RC3H1: variants seen among roughly 807,000 people sequenced by gnomAD.
RC3H1 encodes roquin-1.
In RC3H1, 50 loss-of-function variants were observed where a neutral mutation model predicts 138.2. The observed-to-expected ratio is 0.36, with a 90% CI of 0.29 to 0.46. RC3H1 has a LOEUF of 0.46. Ranked by LOEUF, RC3H1 falls within the 20% of genes least tolerant of loss-of-function variation. The probability of loss-of-function intolerance (pLI) is 1.00; values close to 1 mark genes in which losing one functional copy is unlikely to be tolerated. For synonymous variants in RC3H1, 462 were observed against 489.1 expected, an observed-to-expected ratio of 0.94 and a Z score of 0.73; for missense variants, 1,031 against 1,388.1, an observed-to-expected ratio of 0.74 and a Z score of 4.09.
intron 1 of RC3H1, among the ~76,000 whole-genome samples, chr1:173,994,063 G>T (rs1661402084): frequency 6.7e-6 from 1 of 149,438 alleles, no homozygotes; most frequent in Non-Finnish European, 1.5e-5. Context: ...GGGGAAGGGG[G>T]TAGAGGGAGG....
chr1:173,943,291 C>A, intron 18 of RC3H1, 151 bp downstream of exon 18: 1 of 613,036 alleles, frequency 1.6e-6, no homozygotes, highest in Non-Finnish European at 2.6e-6. Flanking sequence ...ATGATAAAAT[C>A]GGAAGGTAGC....
chr1:173,931,817 CTT>C lies in RC3H1; in HGVS notation c.*6902_*6903del, dbSNP rs2102807194. On this transcript the variant is annotated 3_prime_UTR_variant, in exon 20 of 20. Coordinates refer to ENST00000367696, the MANE Select transcript of RC3H1 (RefSeq NM_172071.4). ...CACCATTCCAACCTATTTGTCTTCACTTCTCTTTTTAAAGTTGGAAACACTTG... is the reference window on the plus strand; with the variant it reads ...CACCATTCCAACCTATTTGTCTTCACCTCTTTTTAAAGTTGGAAACACTTG... 1 of 152,210 alleles carries C rather than the reference CTT, an allele frequency of 6.6e-6. No individual in the cohort carries two copies. The highest frequency in any genetic ancestry group is 1.9e-4 in the East Asian group (1 of 5,188). The allele number at this position is 152,210 out of a possible 1,614,324, so 9.4% of individuals were successfully genotyped here. A position where few individuals can be genotyped will look rare whatever the true frequency, so the allele number is the denominator to read the frequency against.
At chr1:173,982,351 C>T (rs1660861320) in intron 5 of RC3H1, among the ~76,000 whole-genome samples, 1 of 152,070 alleles carries the variant, frequency 6.6e-6, no homozygotes, top group Non-Finnish European at 1.5e-5. Flanking sequence ...GCACTCCAGC[C>T]TGGGCGACAG....
chr1:173,963,739 C>T (rs1659976998), intron 11 of RC3H1, among the ~76,000 whole-genome samples: 1 of 152,118 alleles, frequency 6.6e-6, no homozygotes, highest in Non-Finnish European at 1.5e-5. Flanking sequence ...TATATGAACA[C>T]ATGTATTATG....
intron 13 of RC3H1, among the ~76,000 whole-genome samples, chr1:173,952,539 CCCT>C (rs956387073): frequency 6.6e-6 from 1 of 151,834 alleles, no homozygotes; most frequent in African/African-American, 2.4e-5. Context: ...TTTTGCTAGA[CCCT>C]CCTCAACGTT....
At position 173,947,523 on chromosome 1, in the gene RC3H1, T is replaced by A; in HGVS notation, c.2583A>T (p.Glu861Asp). The A allele has an allele frequency of 6.2e-7, 1 of 1,614,130 alleles. No individual in the cohort carries two copies. The highest frequency in any genetic ancestry group is 8.5e-7 in the Non-Finnish European group (1 of 1,180,014). Residue 861 changes from glutamate to aspartate, a missense_variant, in exon 15 of 20, where the codon GAA becomes GAT. This residue lies in a region of RC3H1 where 716 missense variants were observed against 837.9 expected (regional missense o/e 0.85). Transcript: ENST00000367696. The stretch of plus-strand genomic sequence containing the variant: ...ATGGGATGAGGTCATCATCACTGGT[T>A]TCTGCTGCTCTTCTCTGAAGATCTA... ...QRLDLQRRAA[E>D]TSDDDLIPFG...
chr1:173,955,523 G>C (rs1242753470), intron 13 of RC3H1, among the ~76,000 whole-genome samples: 2 of 151,508 alleles, frequency 1.3e-5, no homozygotes, highest in African/African-American at 4.9e-5. Context: ...GGGTTTCACT[G>C]TTAGCCAGGA....
At chr1:173,941,406 A>G (rs1184379780) in intron 18 of RC3H1, 26 bp from the exon 19 acceptor site, 1 of 1,428,680 alleles carries the variant, frequency 7.0e-7, no homozygotes, top group South Asian at 1.1e-5. Flanking sequence ...AAATAAAATC[A>G]GTTATCATCT....
In RC3H1 at chr1:173,961,909, C is replaced by T. The variant is rs767842465; in HGVS notation, c.2018G>A (p.Arg673His). Residue 673 changes from arginine to histidine, a missense_variant, in exon 12 of 20, where the codon CGT becomes CAT. Arg to His is a conservative substitution (Grantham distance 29, BLOSUM62 0). This residue lies in a region of RC3H1 where 716 missense variants were observed against 837.9 expected (regional missense o/e 0.85). Transcript: ENST00000367696. ...GTAAGACGGAGCAGGGTACACTCGA[C>T]GGCCATCATAGTGAGATGGGTATAT... ...PPIYPSHYDG[R>H]RVYPAPSYTR... 4.3e-6 allele frequency: 7 copies of T among 1,613,900 alleles called. No individual in the cohort carries two copies. Among genetic ancestry groups the T allele is most frequent in the East Asian group, 2.2e-5 (1 of 44,888 alleles).
chr1:173,941,563 GCTCAC>G, intron 18 of RC3H1, 183 bp from the exon 19 acceptor site: 3 of 490,130 alleles, frequency 6.1e-6, no homozygotes. Context: ...CAATCCACTT[GCTCAC>G]TAACCAAGCT....
intron 13 of RC3H1, among the ~76,000 whole-genome samples, chr1:173,959,820 T>G (rs190357679): frequency 1.3e-5 from 2 of 151,812 alleles, no homozygotes; most frequent in South Asian, 2.1e-4. Flanking sequence ...GACAACACTG[T>G]CTAGGCCCGG....
intron 1 of RC3H1, among the ~76,000 whole-genome samples, chr1:174,012,613 C>T (rs147060956): frequency 0.015 from 2,307 of 151,878 alleles, 170 homozygotes; most frequent in Admixed American, 0.13. Context: ...GAAACACTGT[C>T]TCTACTAAAA....
At chr1:173,977,072 G>A (rs924770562) in intron 7 of RC3H1, among the ~76,000 whole-genome samples, 13 of 151,946 alleles carry the variant, frequency 8.6e-5, no homozygotes, top group African/African-American at 2.4e-4. Flanking sequence ...ACAGGCGCCC[G>A]CCACCATGCC....
In RC3H1 at chr1:173,937,497, T is replaced by C. The variant is rs1658654902; in HGVS notation, c.*1224A>G. 1 of 151,500 alleles carries C rather than the reference T, an allele frequency of 6.6e-6. No individual in the cohort carries two copies. Among genetic ancestry groups the C allele is most frequent in the Non-Finnish European group, 1.5e-5 (1 of 67,890 alleles). 9.4% of individuals were successfully genotyped at this position (151,500 alleles called of 1,614,324 possible). ...GTTAATTAAGCACAGACACATGGCA[T>C]CAGAATATGTGCAGCAGAATTAAAA... is the stretch of plus-strand genomic sequence containing the variant. On this transcript the variant is annotated 3_prime_UTR_variant, in exon 20 of 20. Coordinates refer to ENST00000367696, the MANE Select transcript of RC3H1 (RefSeq NM_172071.4).
At chr1:173,944,621 G>A (rs904396051) in intron 17 of RC3H1, among the ~76,000 whole-genome samples, 2 of 152,158 alleles carry the variant, frequency 1.3e-5, no homozygotes, top group Non-Finnish European at 2.9e-5. Flanking sequence ...ATGGAGTAAT[G>A]CCTTATTGGG....
chr1:173,946,382 T>TA, intron 17 of RC3H1, 94 bp downstream of exon 17: 1 of 1,178,930 alleles, frequency 8.5e-7, no homozygotes, highest in Non-Finnish European at 1.2e-6. Context: ...AAATAGACCT[T>TA]AAAGTTTTTT....
intron 2 of RC3H1, among the ~76,000 whole-genome samples, chr1:173,989,622 C>T (rs1313713187): frequency 7.0e-6 from 1 of 142,548 alleles, no homozygotes; most frequent in African/African-American, 2.6e-5. Context: ...AGACTTATGT[C>T]TATATTTTCT....
intron 7 of RC3H1, among the ~76,000 whole-genome samples, chr1:173,976,146 C>A (rs1571212405): frequency 6.6e-6 from 1 of 151,592 alleles, no homozygotes; most frequent in East Asian, 2.0e-4. Context: ...AGAGAGAGTA[C>A]AGAACAATGG....
rs1215059948 is a variant in RC3H1, at chr1:173,982,530, A to G, written c.768+197T>C. Among the ~76,000 whole-genome samples the G allele has an allele frequency of 3.3e-5, 5 of 152,302 alleles. No individual in the cohort carries two copies. In the East Asian group the frequency reaches 5.8e-4, roughly 18 times the overall value. ...CTTGACTTGATCTATGTTGTTCAAT[A>G]TTGAACATACAAAAATTCAATATAA... On this transcript the variant is annotated intron_variant, in intron 5 of 19. Coordinates refer to ENST00000367696, the MANE Select transcript of RC3H1 (RefSeq NM_172071.4).
Sources: gnomAD v4.1 joint callset for allele counts (sites outside exome capture counted in the v4.1 genomes callset) on GRCh38, gnomAD v4.1.1 for gene constraint, gnomAD v4.1.1 regional missense constraint, MANE v1.5 for transcripts, NCBI Gene and HGNC (gene_info 2026-07-23, HGNC 2026-07-21) for gene names.